The following CLDN1 variants were observed in gnomAD, a reference collection of about 807,000 sequenced individuals.
CLDN1 encodes the protein claudin 1.
In CLDN1, 12 loss-of-function variants were observed where a neutral mutation model predicts 22.6. The observed-to-expected ratio is 0.53, with a 90% CI of 0.34 to 0.86. CLDN1 has a LOEUF of 0.86. Among genes scored for constraint, CLDN1 ranks in the 40% least tolerant of loss-of-function variants. The pLI, the probability that CLDN1 is intolerant of heterozygous loss-of-function variation, is 0.02. For missense variants in CLDN1, 250 were observed against 269.5 expected, an observed-to-expected ratio of 0.93 and a Z score of 0.51; for synonymous variants, 99 against 103.8, an observed-to-expected ratio of 0.95 and a Z score of 0.28.
At chr3:190,314,888 TCA>T (rs1192753926) in intron 1 of CLDN1, among the ~76,000 whole-genome samples, 3 of 152,098 alleles carry the variant, frequency 2.0e-5, no homozygotes, top group Admixed American at 2.0e-4. Context: ...CACACTTATC[TCA>T]AGATTCCAGG....
Position 190,307,171 on chromosome 3 carries a change from C to T in CLDN1, c.*1106G>A, listed in dbSNP as rs1382662837. 2 of 152,638 alleles carry T rather than the reference C, an allele frequency of 1.3e-5. No homozygotes were observed. Among genetic ancestry groups the T allele is most frequent in the African/African-American group, 4.8e-5 (2 of 41,454 alleles). 9.5% of individuals were successfully genotyped at this position (152,638 alleles called of 1,614,324 possible). A position where few individuals can be genotyped will look rare whatever the true frequency, so the allele number is the denominator to read the frequency against. On this transcript the variant is annotated 3_prime_UTR_variant, in exon 4 of 4. Coordinates refer to ENST00000295522, the MANE Select transcript of CLDN1 (RefSeq NM_021101.5). Reference sequence around the variant, plus strand: ...AAAAAGAGGTAGAAAGATTAAGTGACTTGCTTACAGCTACAGAGAGAATAT... The same window carrying T: ...AAAAAGAGGTAGAAAGATTAAGTGATTTGCTTACAGCTACAGAGAGAATAT...
chr3:190,308,522 C>A (rs1317372005), intron 3 of CLDN1, 83 bp from the exon 4 acceptor site: 1 of 1,295,442 alleles, frequency 7.7e-7, no homozygotes, highest in African/African-American at 1.5e-5. Context: ...AAAATCAATA[C>A]TCATTGTATT....
Position 190,306,260 on chromosome 3 carries a change from G to A in CLDN1, c.*2017C>T, listed in dbSNP as rs529858937. 1.3e-5 allele frequency: 2 copies of A among 152,296 alleles called. No homozygotes were observed. Among genetic ancestry groups the A allele is most frequent in the Admixed American group, 1.3e-4 (2 of 15,288 alleles). 9.4% of individuals were successfully genotyped at this position (152,296 alleles called of 1,614,324 possible). On this transcript the variant is annotated 3_prime_UTR_variant, in exon 4 of 4. Transcript: ENST00000295522. ...TTCCCATTACATCTGTTTAGCCACA[G>A]AAAGCATCGGGCCATACTCACTGCA...
Position 190,311,076 on chromosome 3 carries a change from T to C in CLDN1, c.389-823A>G, listed in dbSNP as rs1716602818. ...CTCCCCAGCCAAAAACATGGTCCAA[T>C]GTAATTGCCTCTAGACATGACAGAA... is the stretch of plus-strand genomic sequence containing the variant. On this transcript the variant is annotated intron_variant, in intron 2 of 3. Transcript: ENST00000295522. Among the ~76,000 whole-genome samples, 8 of 152,224 alleles carry C rather than the reference T, an allele frequency of 5.3e-5. No individual in the cohort carries two copies. The South Asian group carries it at 1.7e-3, about 32-fold the overall frequency.
At chr3:190,316,291 A>G (rs1716765853) in intron 1 of CLDN1, among the ~76,000 whole-genome samples, 1 of 152,224 alleles carries the variant, frequency 6.6e-6, no homozygotes, top group African/African-American at 2.4e-5. Context: ...CTATTGACTT[A>G]TACAATTTAT....
At chr3:190,308,993 C>A (rs1325393619) in intron 3 of CLDN1, among the ~76,000 whole-genome samples, 1 of 152,080 alleles carries the variant, frequency 6.6e-6, no homozygotes, top group Non-Finnish European at 1.5e-5. Flanking sequence ...TTAAAGCAGA[C>A]ACTTAGGGTG....
In CLDN1 at chr3:190,317,286, T is replaced by A. The variant is rs147899982; in HGVS notation, c.224-4250A>T. ...GCAAACATTAAAAAAATTACACTAT[T>A]TTTTCTCATCATTATTCAGCAGTAA... On this transcript the variant is annotated intron_variant, in intron 1 of 3. Coordinates refer to ENST00000295522, the MANE Select transcript of CLDN1 (RefSeq NM_021101.5). Among the ~76,000 whole-genome samples, 591 of 152,268 alleles carry A rather than the reference T, an allele frequency of 3.9e-3. 13 individuals carry two copies. The highest frequency in any genetic ancestry group is 0.033 in the Admixed American group (509 of 15,296).
chr3:190,309,389 T>C lies in CLDN1; in HGVS notation c.473+780A>G, dbSNP rs527697940. 3.3e-5 allele frequency among the ~76,000 whole-genome samples: 5 copies of C among 152,294 alleles called. 1 individual carries two copies. In the South Asian group the frequency reaches 1.0e-3, roughly 32 times the overall value. On this transcript the variant is annotated intron_variant, in intron 3 of 3. Coordinates refer to ENST00000295522, the MANE Select transcript of CLDN1 (RefSeq NM_021101.5). The stretch of plus-strand genomic sequence containing the variant: ...ATTGCAGTATGTGTTCTCCCATATG[T>C]GGGTGATTATATAAAAAGAAACACA...
Position 190,307,718 on chromosome 3 carries a change from T to A in CLDN1, c.*559A>T, listed in dbSNP as rs1716493786. The A allele has an allele frequency of 1.3e-5, 2 of 152,834 alleles. No homozygotes were observed. The highest frequency in any genetic ancestry group is 4.1e-4 in the South Asian group (2 of 4,868). The allele number at this position is 152,834 out of a possible 1,614,324, so 9.5% of individuals were successfully genotyped here. ...AATAAGTATATGAAAAGGGCACGCATGAAGAATTGAAAGAATTCATCCTTG... is the reference window on the plus strand; with the variant it reads ...AATAAGTATATGAAAAGGGCACGCAAGAAGAATTGAAAGAATTCATCCTTG... On this transcript the variant is annotated 3_prime_UTR_variant, in exon 4 of 4. Transcript: ENST00000295522.
At chr3:190,316,855 C>T (rs1008626112) in intron 1 of CLDN1, among the ~76,000 whole-genome samples, 2 of 152,038 alleles carry the variant, frequency 1.3e-5, no homozygotes, top group African/African-American at 4.8e-5. Context: ...TGAGAAATAC[C>T]TCCCTTGAGA....
rs1163028685 is a variant in CLDN1, at chr3:190,307,291, C to A, written c.*986G>T. 1.3e-5 allele frequency: 2 copies of A among 152,080 alleles called. No homozygotes were observed. The highest frequency in any genetic ancestry group is 3.8e-4 in the East Asian group (2 of 5,198). The allele number at this position is 152,080 out of a possible 1,614,324, so 9.4% of individuals were successfully genotyped here. A position where few individuals can be genotyped will look rare whatever the true frequency, so the allele number is the denominator to read the frequency against. ...AGATATAAAACGCATGATAATTACA[C>A]TTGGGAAAACAATACAATTAAGGAA... On this transcript the variant is annotated 3_prime_UTR_variant, in exon 4 of 4. Transcript: ENST00000295522.
intron 1 of CLDN1, 28 bp downstream of exon 1, chr3:190,321,956 G>C (rs1252851086): frequency 1.3e-6 from 2 of 1,594,230 alleles, no homozygotes; most frequent in East Asian, 2.2e-5. Context: ...GCCTCTGGAC[G>C]GCCGCTGTGA....
chr3:190,311,159 G>A (rs1488896910), intron 2 of CLDN1, among the ~76,000 whole-genome samples: 2 of 152,100 alleles, frequency 1.3e-5, no homozygotes, highest in Non-Finnish European at 1.5e-5. Flanking sequence ...AACTTGTGAT[G>A]CTTACTCCTA....
intron 1 of CLDN1, among the ~76,000 whole-genome samples, chr3:190,315,993 G>A (rs1258834183): frequency 6.6e-6 from 1 of 152,144 alleles, no homozygotes; most frequent in African/African-American, 2.4e-5. Flanking sequence ...TGCCCATTAA[G>A]TTCTCAAAGA....
rs957531502 is a variant in CLDN1 at position 190,321,978 on chromosome 3, A to T, written c.223+6T>A. ...GACGGCCGCTGTGAGGTGGGGGTGC[A>T]CTCACTGCTCAGATTCAGCAAGGAG... On this transcript the variant is annotated splice_donor_region_variant and intron_variant, in intron 1 of 3. Transcript: ENST00000295522. 3.1e-6 allele frequency: 5 copies of T among 1,612,806 alleles called. No individual in the cohort carries two copies. The highest frequency in any genetic ancestry group is 4.2e-6 in the Non-Finnish European group (5 of 1,178,872).
chr3:190,313,747 GCACACACAATAA>G (rs1716688111), intron 1 of CLDN1, among the ~76,000 whole-genome samples: 1 of 152,102 alleles, frequency 6.6e-6, no homozygotes, highest in South Asian at 2.1e-4. Flanking sequence ...TTGTAAAATA[GCACACACAATAA>G]TTCAATGTAG....
In CLDN1 at chr3:190,307,919, A is replaced by G. The variant is rs903749590; in HGVS notation, c.*358T>C. On this transcript the variant is annotated 3_prime_UTR_variant, in exon 4 of 4. Transcript: ENST00000295522. The stretch of plus-strand genomic sequence containing the variant: ...TTAGAGATATTTTAAGTATGCTAGT[A>G]TCAACATAATGAGAATAGTATTTTA... 1 of 179,046 alleles carries G rather than the reference A, an allele frequency of 5.6e-6. No individual in the cohort carries two copies. Among genetic ancestry groups the G allele is most frequent in the African/African-American group, 2.4e-5 (1 of 41,888 alleles). The allele number at this position is 179,046 out of a possible 1,614,324, so 11.1% of individuals were successfully genotyped here. A position where few individuals can be genotyped will look rare whatever the true frequency, so the allele number is the denominator to read the frequency against.
intron 2 of CLDN1, among the ~76,000 whole-genome samples, chr3:190,311,947 T>TTCTTTTC (rs1332025761): frequency 1.9e-5 from 2 of 103,660 alleles, no homozygotes; most frequent in Non-Finnish European, 3.7e-5. Flanking sequence ...GATATTTCTT[T>TTCTTTTC]TCTTTTCTTT....
Position 190,307,337 on chromosome 3 carries a change from TA to T in CLDN1, c.*939del, listed in dbSNP as rs1220743340. 6.6e-6 allele frequency: 1 copy of T among 152,118 alleles called. No homozygotes were observed. Among genetic ancestry groups the T allele is most frequent in the African/African-American group, 2.4e-5 (1 of 41,426 alleles). The allele number at this position is 152,118 out of a possible 1,614,324, so 9.4% of individuals were successfully genotyped here. A position where few individuals can be genotyped will look rare whatever the true frequency, so the allele number is the denominator to read the frequency against. On this transcript the variant is annotated 3_prime_UTR_variant, in exon 4 of 4. Coordinates refer to ENST00000295522, the MANE Select transcript of CLDN1 (RefSeq NM_021101.5). ...AGGAATGGGGAACAAAAAGGTAGTTTAGGGGGATATAAAACTATGAATAAGT... is the reference window on the plus strand; with the variant it reads ...AGGAATGGGGAACAAAAAGGTAGTTTGGGGGATATAAAACTATGAATAAGT...
Sources: allele counts gnomAD v4.1 joint callset (sites outside exome capture counted in the v4.1 genomes callset), GRCh38; gene constraint gnomAD v4.1.1; transcripts MANE v1.5; gene names NCBI Gene and HGNC (gene_info 2026-07-23, HGNC 2026-07-21).